Variants in ZWILCH observed in about 807,000 individuals in gnomAD.
ZWILCH encodes the protein zwilch kinetochore protein.
A neutral mutation model predicts 79.9 loss-of-function variants in ZWILCH; 74 were observed. The observed-to-expected ratio is 0.93, with a 90% CI of 0.77 to 1.12. ZWILCH has a LOEUF of 1.12. ZWILCH is among the 50% of genes most tolerant of loss of function. The pLI is 0.00. For missense variants in ZWILCH, 694 were observed against 687.5 expected (o/e 1.01, Z -0.11); for synonymous variants, 241 against 228.2 (o/e 1.06, Z -0.51).
At chr15:66,509,162 G>C (rs112937859) in intron 2 of ZWILCH, among the ~76,000 whole-genome samples, 2,718 of 152,090 alleles carry the variant, frequency 0.018, 40 homozygotes, top group South Asian at 0.057. Context: ...GGATGGTCTC[G>C]ATCTCCTGAC....
Position 66,542,323 on chromosome 15 carries a change from C to T in ZWILCH, c.1687+2113C>T, listed in dbSNP as rs111782039. 9.7e-4 allele frequency among the ~76,000 whole-genome samples: 148 copies of T among 152,270 alleles called. No individual in the cohort carries two copies. The Middle Eastern group carries it at 0.017, about 17-fold the overall frequency. ...AAAAAAGGCCGGGCGCGGGGGCTCACACCTGTAATCCCAGCACTTTGGGAG... is the reference window on the plus strand; with the variant it reads ...AAAAAAGGCCGGGCGCGGGGGCTCATACCTGTAATCCCAGCACTTTGGGAG... On this transcript the variant is annotated intron_variant, in intron 17 of 18. Coordinates refer to ENST00000307897, the MANE Select transcript of ZWILCH (RefSeq NM_017975.5).
At chr15:66,540,896 G>A (rs894306384) in intron 17 of ZWILCH, among the ~76,000 whole-genome samples, 1 of 151,468 alleles carries the variant, frequency 6.6e-6, no homozygotes, top group Non-Finnish European at 1.5e-5. Context: ...CAAAGTGCTA[G>A]GATTACAGGT....
intron 1 of ZWILCH, among the ~76,000 whole-genome samples, chr15:66,508,428 T>G (rs1398112226): frequency 6.6e-6 from 1 of 152,232 alleles, no homozygotes; most frequent in Non-Finnish European, 1.5e-5. Context: ...AAGTAACTTC[T>G]CTGTGGTTAC....
At chr15:66,534,119 T>TC (rs1894938293) in intron 14 of ZWILCH, among the ~76,000 whole-genome samples, 1 of 151,624 alleles carries the variant, frequency 6.6e-6, no homozygotes, top group Non-Finnish European at 1.5e-5. Flanking sequence ...AGACCCTGTT[T>TC]CAAAAAAAAG....
At position 66,518,866 on chromosome 15, in the gene ZWILCH, T is replaced by C. The variant is rs761417441; in HGVS notation, c.321-13T>C. The C allele has an allele frequency of 6.2e-7, 1 of 1,611,306 alleles. No homozygotes were observed. On this transcript the variant is annotated splice_polypyrimidine_tract_variant and intron_variant, in intron 4 of 18. Coordinates refer to ENST00000307897, the MANE Select transcript of ZWILCH (RefSeq NM_017975.5). ...ATCTCTATCTATAATTTGTCCTTACTCTTGTTTTAAAGGCAGTTAATTGGA... is the reference window on the plus strand; with the variant it reads ...ATCTCTATCTATAATTTGTCCTTACCCTTGTTTTAAAGGCAGTTAATTGGA...
chr15:66,531,818 C>T lies in ZWILCH; in HGVS notation c.1156-429C>T, dbSNP rs548994906. On this transcript the variant is annotated intron_variant, in intron 12 of 18. Transcript: ENST00000307897. ...GTGCCATGGCTCCTGCCTGTAATCC[C>T]AGCACTTTGGGAGTCCGACGCGGGC... Among the ~76,000 whole-genome samples the T allele has an allele frequency of 3.9e-5, 6 of 152,200 alleles. No individual in the cohort carries two copies. In the East Asian group the frequency reaches 1.2e-3, roughly 30 times the overall value.
intron 7 of ZWILCH, chr15:66,523,403 G>A (rs534881760): frequency 6.9e-6 from 2 of 288,560 alleles, no homozygotes; most frequent in South Asian, 1.4e-4. Context: ...AAAAGGCAGG[G>A]GAGTGTGTGA....
At chr15:66,509,822 C>CATATAT (rs201725734) in intron 2 of ZWILCH, among the ~76,000 whole-genome samples, 16 of 88,972 alleles carry the variant, frequency 1.8e-4, no homozygotes, top group South Asian at 4.0e-4. Flanking sequence ...TGTGTGGCTA[C>CATATAT]ATATATATAT....
At chr15:66,517,356 A>G (rs1474764671) in intron 4 of ZWILCH, among the ~76,000 whole-genome samples, 1 of 148,620 alleles carries the variant, frequency 6.7e-6, no homozygotes, top group Non-Finnish European at 1.5e-5. Context: ...TGTTACAACT[A>G]TATATCATAA....
chr15:66,535,887 C>T (rs1239664797), intron 14 of ZWILCH, 46 bp from the exon 15 acceptor site: 1 of 1,550,182 alleles, frequency 6.5e-7, no homozygotes, highest in South Asian at 1.2e-5. Flanking sequence ...ACAAAGGTTA[C>T]ACAGGTGCTT....
chr15:66,508,157 A>G (rs1407790229), intron 1 of ZWILCH, among the ~76,000 whole-genome samples: 1 of 152,220 alleles, frequency 6.6e-6, no homozygotes. Context: ...TTCAATGACT[A>G]AAGATTTCTT....
At chr15:66,533,585 AG>A (rs1894918410) in intron 14 of ZWILCH, among the ~76,000 whole-genome samples, 1 of 152,210 alleles carries the variant, frequency 6.6e-6, no homozygotes, top group Non-Finnish European at 1.5e-5. Flanking sequence ...AATACAAGAT[AG>A]AAAAACTATA....
At chr15:66,538,089 G>C (rs1485650158) in intron 16 of ZWILCH, among the ~76,000 whole-genome samples, 1 of 152,212 alleles carries the variant, frequency 6.6e-6, no homozygotes, top group Admixed American at 6.5e-5. Context: ...TGAGATGATA[G>C]ATTGTTCATC....
intron 17 of ZWILCH, among the ~76,000 whole-genome samples, chr15:66,540,668 G>A (rs1366956487): frequency 2.7e-5 from 4 of 147,120 alleles, no homozygotes; most frequent in Admixed American, 6.8e-5. Context: ...TCCCCCTGTC[G>A]CCCAGGCTGG....
intron 10 of ZWILCH, 26 bp downstream of exon 10, chr15:66,527,938 T>C (rs1416510543): frequency 6.4e-6 from 10 of 1,565,992 alleles, no homozygotes; most frequent in Non-Finnish European, 8.6e-6. Flanking sequence ...CAGTTAGAAA[T>C]ATACACAGAA....
At position 66,528,957 on chromosome 15, in the gene ZWILCH, A is replaced by C; in HGVS notation, c.1075A>C (p.Ser359Arg). The C allele has an allele frequency of 1.2e-6, 2 of 1,610,564 alleles. No homozygotes were observed. Among genetic ancestry groups the C allele is most frequent in the Middle Eastern group, 1.7e-4 (1 of 6,054 alleles). ...GCAACTGTGGTGCAAAATGAGCAGT[A>C]GTAGGTGTCCATCATGATTTAAATT... ...AEQLWCKMSSSVISYQDLVKC... is the reference protein window; with the variant it reads ...AEQLWCKMSSRVISYQDLVKC... Residue 359 changes from serine to arginine, a missense_variant and splice_region_variant, in exon 11 of 19, where the codon AGT becomes CGT. Transcript: ENST00000307897.
intron 17 of ZWILCH, 98 bp downstream of exon 17, chr15:66,540,308 T>G: frequency 1.0e-6 from 1 of 953,638 alleles, no homozygotes; most frequent in Non-Finnish European, 1.6e-6. Flanking sequence ...TCCCAGCACT[T>G]TGGGAGGCCG....
chr15:66,545,172 T>C (rs938439049), intron 17 of ZWILCH, among the ~76,000 whole-genome samples: 28 of 151,718 alleles, frequency 1.8e-4, no homozygotes, highest in South Asian at 8.4e-4. Context: ...GGCCAACATG[T>C]TGAAACCCTG....
chr15:66,524,974 A>G (rs1334725871), intron 8 of ZWILCH, among the ~76,000 whole-genome samples: 1 of 152,062 alleles, frequency 6.6e-6, no homozygotes, highest in Non-Finnish European at 1.5e-5. Flanking sequence ...CCAAACCCTC[A>G]TCTTTAAGCT....
Sources: allele counts gnomAD v4.1 joint callset (sites outside exome capture counted in the v4.1 genomes callset), GRCh38; gene constraint gnomAD v4.1.1; transcripts MANE v1.5; gene names NCBI Gene and HGNC (gene_info 2026-07-23, HGNC 2026-07-21).